Variants in STXBP5L observed in about 807,000 individuals in gnomAD.
STXBP5L encodes the protein syntaxin-binding protein 5-like.
A neutral mutation model predicts 144.5 loss-of-function variants in STXBP5L; 65 were observed. The ratio of observed to expected loss-of-function variants is 0.45; its 90% CI spans 0.37 to 0.55. The LOEUF (loss-of-function observed/expected upper bound fraction) is 0.55, where lower values mean the gene tolerates loss of function less well. Among genes scored for constraint, STXBP5L ranks in the 20% least tolerant of loss-of-function variants. The pLI is 0.00. For synonymous variants in STXBP5L, 505 were observed against 469.6 expected (o/e 1.08, Z -0.97); for missense variants, 1,298 against 1,405.5 (o/e 0.92, Z 1.22).
intron 3 of STXBP5L, among the ~76,000 whole-genome samples, chr3:121,037,465 A>G (rs1206724914): frequency 6.6e-6 from 1 of 152,074 alleles, no homozygotes; most frequent in Non-Finnish European, 1.5e-5. Context: ...TATGTTGCCC[A>G]GGCTGGTCTT....
intron 7 of STXBP5L, among the ~76,000 whole-genome samples, chr3:121,151,004 T>C (rs745530833): frequency 2.0e-5 from 3 of 152,068 alleles, no homozygotes; most frequent in Admixed American, 6.6e-5. Context: ...ACAGAATCTC[T>C]TGAACCCAGG....
intron 3 of STXBP5L, among the ~76,000 whole-genome samples, chr3:121,015,423 C>T (rs1945074134): frequency 6.6e-6 from 1 of 152,072 alleles, no homozygotes; most frequent in South Asian, 2.1e-4. Flanking sequence ...CAGCCAGAAG[C>T]CTGAAGAGAA....
chr3:120,924,586 T>C (rs1453031377), intron 2 of STXBP5L: 6 of 152,586 alleles, frequency 3.9e-5, no homozygotes, highest in Admixed American at 3.9e-4. Context: ...TTCTAACTAG[T>C]GAGATCCTTT....
At chr3:121,178,069 A>G (rs1294340011) in intron 9 of STXBP5L, among the ~76,000 whole-genome samples, 1 of 152,204 alleles carries the variant, frequency 6.6e-6, no homozygotes, top group Non-Finnish European at 1.5e-5. Flanking sequence ...AGGTACCTAT[A>G]CTATCAAATT....
intron 5 of STXBP5L, among the ~76,000 whole-genome samples, chr3:121,052,831 G>A (rs1467337065): frequency 2.6e-5 from 4 of 152,242 alleles, no homozygotes; most frequent in South Asian, 4.2e-4. Flanking sequence ...TGACATGATT[G>A]TGTATCTAGA....
At chr3:121,100,287 T>C (rs2043349213) in intron 5 of STXBP5L, among the ~76,000 whole-genome samples, 1 of 152,082 alleles carries the variant, frequency 6.6e-6, no homozygotes. Context: ...CCATCAACTA[T>C]AGGATACTCA....
At chr3:121,383,326 G>A (rs2046360189) in intron 22 of STXBP5L, among the ~76,000 whole-genome samples, 1 of 151,852 alleles carries the variant, frequency 6.6e-6, no homozygotes, top group Non-Finnish European at 1.5e-5. Flanking sequence ...TGAGCCAGAA[G>A]GATGAGCATG....
chr3:121,199,081 G>C (rs2048034643), intron 9 of STXBP5L, among the ~76,000 whole-genome samples: 1 of 152,078 alleles, frequency 6.6e-6, no homozygotes, highest in Admixed American at 6.6e-5. Context: ...GAACAGTATG[G>C]CCATTTCACA....
intron 20 of STXBP5L, among the ~76,000 whole-genome samples, chr3:121,354,172 A>G (rs1289808467): frequency 6.6e-6 from 1 of 152,108 alleles, no homozygotes; most frequent in East Asian, 1.9e-4. Context: ...TTTGGGGTGG[A>G]GAGTTCTGTA....
chr3:121,362,218 T>C lies in STXBP5L; in HGVS notation c.2177-16498T>C, dbSNP rs114480319. 8.1e-3 allele frequency among the ~76,000 whole-genome samples: 1,235 copies of C among 152,360 alleles called. 20 individuals carry two copies. The highest frequency in any genetic ancestry group is 0.028 in the African/African-American group (1,154 of 41,584). On this transcript the variant is annotated intron_variant, in intron 20 of 26. Transcript: ENST00000471454. The stretch of plus-strand genomic sequence containing the variant: ...ACCCTTGTGGCCACCACTACTATTA[T>C]TGTGATGAGTCAGACCTAAATTTAG...
chr3:121,353,674 T>G (rs1358741212), intron 20 of STXBP5L, among the ~76,000 whole-genome samples: 1 of 152,094 alleles, frequency 6.6e-6, no homozygotes, highest in African/African-American at 2.4e-5. Context: ...TTTTGTGTCT[T>G]TATCTCTTTC....
chr3:120,913,285 T>G (rs1708941812), intron 2 of STXBP5L, among the ~76,000 whole-genome samples: 2 of 151,950 alleles, frequency 1.3e-5, no homozygotes, highest in Non-Finnish European at 2.9e-5. Flanking sequence ...ATTTCTTAAC[T>G]CTGGTGTCTA....
At chr3:121,145,592 A>G (rs1329572950) in intron 7 of STXBP5L, among the ~76,000 whole-genome samples, 5 of 152,054 alleles carry the variant, frequency 3.3e-5, no homozygotes, top group Non-Finnish European at 5.9e-5. Flanking sequence ...ATGATCTATT[A>G]TATAAGAACA....
chr3:120,956,175 A>G (rs1938014800), intron 3 of STXBP5L, among the ~76,000 whole-genome samples: 1 of 151,962 alleles, frequency 6.6e-6, no homozygotes, highest in Non-Finnish European at 1.5e-5. Context: ...CTGAAGGGTC[A>G]TGTGGTAATT....
chr3:120,912,495 A>G (rs1316934023), intron 2 of STXBP5L, among the ~76,000 whole-genome samples: 1 of 151,912 alleles, frequency 6.6e-6, no homozygotes, highest in Non-Finnish European at 1.5e-5. Flanking sequence ...GCCCATAGGA[A>G]GGTAGTAGGA....
intron 9 of STXBP5L, among the ~76,000 whole-genome samples, chr3:121,200,520 G>A (rs1193546422): frequency 1.3e-5 from 2 of 152,148 alleles, no homozygotes; most frequent in South Asian, 4.2e-4. Flanking sequence ...TCTTGTGCCA[G>A]CTTTTGAATT....
intron 23 of STXBP5L, among the ~76,000 whole-genome samples, chr3:121,408,765 T>A (rs1226037790): frequency 1.3e-5 from 2 of 151,920 alleles, no homozygotes; most frequent in East Asian, 3.9e-4. Flanking sequence ...GAGATAGGCT[T>A]TTGAACTGAA....
In STXBP5L at chr3:121,089,324, A is replaced by C. The variant is rs547250283; in HGVS notation, c.471-25601A>C. Among the ~76,000 whole-genome samples, 12 of 151,852 alleles carry C rather than the reference A, an allele frequency of 7.9e-5. No individual in the cohort carries two copies. In the South Asian group the frequency reaches 8.3e-4, roughly 11 times the overall value. ...ATTTTTAGTTTTCCTTTACCTGATA[A>C]TGTCATAATTTCTTCATACCTGAGG... On this transcript the variant is annotated intron_variant, in intron 5 of 26. Transcript: ENST00000471454.
At chr3:121,167,202 G>A (rs1281838976) in intron 9 of STXBP5L, among the ~76,000 whole-genome samples, 1 of 152,002 alleles carries the variant, frequency 6.6e-6, no homozygotes, top group Non-Finnish European at 1.5e-5. Flanking sequence ...CATAAATGAA[G>A]TACAATTAAT....
Sources: gnomAD v4.1 joint callset for allele counts (sites outside exome capture counted in the v4.1 genomes callset) on GRCh38, gnomAD v4.1.1 for gene constraint, MANE v1.5 for transcripts, NCBI Gene and HGNC (gene_info 2026-07-23, HGNC 2026-07-21) for gene names.